Variants in NUCKS1 observed in about 807,000 individuals in gnomAD.
NUCKS1 encodes nuclear casein kinase and cyclin dependent kinase substrate 1.
In NUCKS1, 2 loss-of-function variants were observed where a neutral mutation model predicts 33.0. The ratio of observed to expected loss-of-function variants is 0.06; its 90% CI spans 0.02 to 0.19. NUCKS1 has a LOEUF of 0.19. Ranked by LOEUF, NUCKS1 falls within the 10% of genes least tolerant of loss-of-function variation. The pLI is 1.00. For missense variants in NUCKS1, 201 were observed against 293.6 expected (o/e 0.68, Z 2.31); for synonymous variants, 106 against 102.8 (o/e 1.03, Z -0.19).
intron 1 of NUCKS1, among the ~76,000 whole-genome samples, chr1:205,744,630 G>GTTTTTTTTTTTTTTTTTTTTTTTTTTTTT (rs10672842): frequency 1.1e-5 from 1 of 87,786 alleles, no homozygotes; most frequent in Non-Finnish European, 2.0e-5. Context: ...GTTCACTAGA[G>GTTTTTTTTTTTTTTTTTTTTTTTTTTTTT]TTTTTTTTTT....
At chr1:205,720,738 A>C (rs1214689978) in intron 4 of NUCKS1, 85 bp from the exon 5 acceptor site, 6 of 1,345,592 alleles carry the variant, frequency 4.5e-6, no homozygotes, top group Non-Finnish European at 6.0e-6. Context: ...ATTGACTGAA[A>C]ACATAACTGA....
At chr1:205,735,553 G>C (rs915225588) in intron 1 of NUCKS1, among the ~76,000 whole-genome samples, 5 of 152,152 alleles carry the variant, frequency 3.3e-5, no homozygotes, top group African/African-American at 1.2e-4. Flanking sequence ...TAGCAGAGAG[G>C]TTAAAAACAC....
At chr1:205,736,452 T>C (rs1042900701) in intron 1 of NUCKS1, among the ~76,000 whole-genome samples, 6 of 152,140 alleles carry the variant, frequency 3.9e-5, no homozygotes, top group African/African-American at 1.2e-4. Context: ...AACCTTTAGC[T>C]TGTATCCTGT....
At chr1:205,738,482 T>TC (rs1341918902) in intron 1 of NUCKS1, among the ~76,000 whole-genome samples, 1 of 150,338 alleles carries the variant, frequency 6.7e-6, no homozygotes, top group Non-Finnish European at 1.5e-5. Context: ...CAGGCTGGTC[T>TC]CCAACTCCTG....
chr1:205,749,668 C>A (rs1476633580), intron 1 of NUCKS1, among the ~76,000 whole-genome samples: 1 of 152,022 alleles, frequency 6.6e-6, no homozygotes, highest in African/African-American at 2.4e-5. Flanking sequence ...CGGCCGCTGG[C>A]GGCTCAGGGA....
At chr1:205,741,314 A>G (rs935109460) in intron 1 of NUCKS1, among the ~76,000 whole-genome samples, 22 of 151,228 alleles carry the variant, frequency 1.5e-4, no homozygotes, top group African/African-American at 4.8e-4. Context: ...AAAAAAAAAA[A>G]AAAAAGAAAA....
At chr1:205,734,502 T>TA (rs1286326193) in intron 1 of NUCKS1, among the ~76,000 whole-genome samples, 1 of 152,018 alleles carries the variant, frequency 6.6e-6, no homozygotes, top group Non-Finnish European at 1.5e-5. Flanking sequence ...GAAACAAATA[T>TA]AGTCATCCAT....
At chr1:205,724,735 C>G (rs1653686180) in intron 3 of NUCKS1, among the ~76,000 whole-genome samples, 1 of 152,034 alleles carries the variant, frequency 6.6e-6, no homozygotes, top group Non-Finnish European at 1.5e-5. Context: ...GTTATCTTAC[C>G]TAACTTATAA....
intron 1 of NUCKS1, among the ~76,000 whole-genome samples, chr1:205,736,854 TAATTA>T (rs897203285): frequency 6.7e-6 from 1 of 149,774 alleles, no homozygotes; most frequent in African/African-American, 2.5e-5. Context: ...AAAATTCCAA[TAATTA>T]AATAGTTCTT....
chr1:205,736,618 G>A (rs1432844940), intron 1 of NUCKS1, among the ~76,000 whole-genome samples: 1 of 152,016 alleles, frequency 6.6e-6, no homozygotes, highest in Non-Finnish European at 1.5e-5. Flanking sequence ...GAGGTCAGGA[G>A]TTCAAGACCA....
chr1:205,739,426 C>T (rs1247862425), intron 1 of NUCKS1, among the ~76,000 whole-genome samples: 1 of 152,076 alleles, frequency 6.6e-6, no homozygotes, highest in East Asian at 1.9e-4. Context: ...AAGATTTTCT[C>T]AACATAAAAA....
At chr1:205,737,138 A>G (rs1394631511) in intron 1 of NUCKS1, among the ~76,000 whole-genome samples, 2 of 152,172 alleles carry the variant, frequency 1.3e-5, no homozygotes, top group African/African-American at 4.8e-5. Context: ...ATGAAACATA[A>G]TATGATTATA....
intron 1 of NUCKS1, among the ~76,000 whole-genome samples, chr1:205,746,024 G>A (rs922033472): frequency 6.6e-6 from 1 of 152,178 alleles, no homozygotes; most frequent in African/African-American, 2.4e-5. Flanking sequence ...GGCCGGGCGC[G>A]GTAGTTCACG....
rs1182029267 is a variant in NUCKS1, at chr1:205,714,326, CCT to C, written c.*3952_*3953del. 1 of 152,064 alleles carries C rather than the reference CCT, an allele frequency of 6.6e-6. No homozygotes were observed. The highest frequency in any genetic ancestry group is 1.5e-5 in the Non-Finnish European group (1 of 68,024). The allele number at this position is 152,064 out of a possible 1,614,324, so 9.4% of individuals were successfully genotyped here. On this transcript the variant is annotated 3_prime_UTR_variant, in exon 7 of 7. Coordinates refer to ENST00000367142, the MANE Select transcript of NUCKS1 (RefSeq NM_022731.5). ...TAATCTAGAAAACCCTCCCTTCACC[CCT>C]GATGTACAAAGTGTATGCACAACGG...
At chr1:205,730,929 TTTACTC>T (rs1653895236) in intron 1 of NUCKS1, among the ~76,000 whole-genome samples, 1 of 152,212 alleles carries the variant, frequency 6.6e-6, no homozygotes, top group Non-Finnish European at 1.5e-5. Context: ...TAAATGATAT[TTTACTC>T]TTACTGCTAC....
Position 205,717,457 on chromosome 1 carries a change from G to T in NUCKS1, c.*823C>A. On this transcript the variant is annotated 3_prime_UTR_variant, in exon 7 of 7. Transcript: ENST00000367142. The stretch of plus-strand genomic sequence containing the variant: ...AAAAAACAGGATACATATATATTTA[G>T]AGAAGGAAATATGAAATCAAGAGTT... 1 of 979,562 alleles carries T rather than the reference G, an allele frequency of 1.0e-6. No individual in the cohort carries two copies. 60.7% of individuals were successfully genotyped at this position (979,562 alleles called of 1,614,324 possible). A position where few individuals can be genotyped will look rare whatever the true frequency, so the allele number is the denominator to read the frequency against.
At chr1:205,728,276 A>T (rs1424312897) in intron 2 of NUCKS1, among the ~76,000 whole-genome samples, 1 of 152,168 alleles carries the variant, frequency 6.6e-6, no homozygotes, top group Non-Finnish European at 1.5e-5. Flanking sequence ...CTCTACCTTA[A>T]AAGGAAATTA....
At chr1:205,724,162 A>G (rs1671965346) in intron 3 of NUCKS1, 181 bp from the exon 4 acceptor site, 1 of 636,366 alleles carries the variant, frequency 1.6e-6, no homozygotes, top group Non-Finnish European at 2.9e-6. Context: ...AATAAGCACA[A>G]TTTTATTTAC....
chr1:205,749,738 AGCGGCGCGGG>A (rs1654437297), intron 1 of NUCKS1, among the ~76,000 whole-genome samples: 1 of 150,594 alleles, frequency 6.6e-6, no homozygotes, highest in Non-Finnish European at 1.5e-5. Flanking sequence ...GGAGCCCTGC[AGCGGCGCGGG>A]GCGGGGAGGG....
Sources: allele counts gnomAD v4.1 joint callset (sites outside exome capture counted in the v4.1 genomes callset), GRCh38; gene constraint gnomAD v4.1.1; transcripts MANE v1.5; gene names NCBI Gene and HGNC (gene_info 2026-07-23, HGNC 2026-07-21).